EDNRA: variants seen among roughly 807,000 people sequenced by gnomAD.
EDNRA encodes endothelin receptor type A, also known as endothelin-1 receptor.
A neutral mutation model predicts 41.4 loss-of-function variants in EDNRA; 11 were observed. The observed-to-expected ratio is 0.27, with a 90% confidence interval of 0.17 to 0.44. The LOEUF is 0.44. Among genes scored for constraint, EDNRA ranks in the 20% least tolerant of loss-of-function variants. The probability of loss-of-function intolerance (pLI) is 1.00; values close to 1 mark genes in which losing one functional copy is unlikely to be tolerated. For missense variants in EDNRA, 294 were observed against 531.0 expected (o/e 0.55, Z 4.39); for synonymous variants, 172 against 183.0 (o/e 0.94, Z 0.49).
chr4:147,502,421 GT>G (rs1438203967), intron 2 of EDNRA, among the ~76,000 whole-genome samples: 1 of 152,126 alleles, frequency 6.6e-6, no homozygotes, highest in African/African-American at 2.4e-5. Context: ...ATTTGTGCCA[GT>G]TTTTCCCTGT....
At chr4:147,520,297 C>A (rs539903354) in intron 3 of EDNRA, 2 of 467,402 alleles carry the variant, frequency 4.3e-6, no homozygotes, top group Admixed American at 4.9e-5. Context: ...TATGCAAATC[C>A]TATATTTCAC....
chr4:147,499,468 A>G (rs1303785450), intron 2 of EDNRA, among the ~76,000 whole-genome samples: 5 of 152,238 alleles, frequency 3.3e-5, no homozygotes, highest in Admixed American at 1.3e-4. Context: ...CAGCCAAATC[A>G]GTTACAACAA....
chr4:147,527,169 A>C (rs905498133), intron 3 of EDNRA, among the ~76,000 whole-genome samples: 11 of 152,206 alleles, frequency 7.2e-5, no homozygotes, highest in Non-Finnish European at 1.6e-4. Context: ...CTTGGTAGAA[A>C]CTTCTTTCTT....
chr4:147,523,072 T>G (rs1043910853), intron 3 of EDNRA, among the ~76,000 whole-genome samples: 1 of 152,216 alleles, frequency 6.6e-6, no homozygotes, highest in African/African-American at 2.4e-5. Context: ...GTCTAAAGAT[T>G]TGAAGTCAGC....
intron 2 of EDNRA, chr4:147,493,809 G>A (rs981658762): frequency 1.3e-5 from 2 of 151,980 alleles, no homozygotes; most frequent in Non-Finnish European, 2.9e-5. Context: ...TTTAAATTTG[G>A]TACATTTTTG....
chr4:147,497,490 G>C (rs1729346132), intron 2 of EDNRA, among the ~76,000 whole-genome samples: 2 of 152,052 alleles, frequency 1.3e-5, no homozygotes, highest in Non-Finnish European at 2.9e-5. Context: ...CCTTCAAGTT[G>C]CTGACGTTCT....
intron 2 of EDNRA, among the ~76,000 whole-genome samples, chr4:147,515,810 C>T (rs1350810483): frequency 2.0e-5 from 3 of 152,184 alleles, no homozygotes; most frequent in Admixed American, 1.3e-4. Flanking sequence ...GGTGAATGTA[C>T]ATCCTCCATC....
intron 2 of EDNRA, among the ~76,000 whole-genome samples, chr4:147,505,213 AAAAGAGAG>A (rs1560901571): frequency 8.1e-6 from 1 of 123,128 alleles, no homozygotes; most frequent in African/African-American, 3.8e-5. Context: ...AAAAAAAAAA[AAAAGAGAG>A]AGAGAGAGAG....
Position 147,542,525 on chromosome 4 carries a change from G to T in EDNRA, c.1191G>T (p.Ser397=), listed in dbSNP as rs1255931629. Residue 397 remains serine (S), a synonymous_variant, in exon 8 of 8, where the codon TCG becomes TCT. Transcript: ENST00000651419. The stretch of plus-strand genomic sequence containing the variant: ...ACCAGTCCAAAAGTCTGATGACCTC[G>T]GTCCCCATGAACGGAACAAGCATCC... ...CCYQSKSLMT[S]VPMNGTSIQW... The T allele has an allele frequency of 1.2e-6, 2 of 1,613,916 alleles. No individual in the cohort carries two copies. The highest frequency in any genetic ancestry group is 2.7e-5 in the African/African-American group (2 of 74,884).
At chr4:147,533,074 C>T (rs1280315893) in intron 4 of EDNRA, among the ~76,000 whole-genome samples, 1 of 151,864 alleles carries the variant, frequency 6.6e-6, no homozygotes, top group Non-Finnish European at 1.5e-5. Flanking sequence ...ATGAATACAA[C>T]ACAACAATTT....
chr4:147,505,591 C>G (rs1729678981), intron 2 of EDNRA, among the ~76,000 whole-genome samples: 1 of 150,072 alleles, frequency 6.7e-6, no homozygotes, highest in African/African-American at 2.5e-5. Flanking sequence ...ATCCACCCAC[C>G]TCAGCCTCCC....
intron 1 of EDNRA, among the ~76,000 whole-genome samples, chr4:147,483,346 C>A (rs1195041400): frequency 2.0e-5 from 3 of 152,184 alleles, no homozygotes; most frequent in African/African-American, 7.2e-5. Flanking sequence ...GCTTTGAAAC[C>A]TTGACCTAAA....
In EDNRA at chr4:147,481,217, G is replaced by A. The variant is rs1801708; in HGVS notation, c.-230G>A. ...TCCCCGGGAGAAGCAGTGCCCAGGA[G>A]GTTTTCTGAAGCCGGGGAAGCTGTG... On this transcript the variant is annotated 5_prime_UTR_variant, in exon 1 of 8. Transcript: ENST00000651419. 69,529 of 152,706 alleles carry A rather than the reference G, an allele frequency of 0.46. 20,327 individuals carry two copies. Among genetic ancestry groups the A allele is most frequent in the African/African-American group, 0.84 (34,937 of 41,518 alleles). The allele number at this position is 152,706 out of a possible 1,614,324, so 9.5% of individuals were successfully genotyped here.
intron 3 of EDNRA, among the ~76,000 whole-genome samples, chr4:147,520,904 TAAA>T (rs1473922895): frequency 6.6e-6 from 1 of 152,230 alleles, no homozygotes; most frequent in African/African-American, 2.4e-5. Context: ...TTGTTACTGT[TAAA>T]ACATAAAAAT....
intron 2 of EDNRA, among the ~76,000 whole-genome samples, chr4:147,501,372 G>A (rs888079834): frequency 6.6e-6 from 1 of 152,194 alleles, no homozygotes; most frequent in African/African-American, 2.4e-5. Flanking sequence ...ACACATTTAT[G>A]CCTTTGTATA....
At chr4:147,484,973 A>G (rs1329138750) in intron 1 of EDNRA, among the ~76,000 whole-genome samples, 2 of 152,222 alleles carry the variant, frequency 1.3e-5, no homozygotes, top group Non-Finnish European at 2.9e-5. Flanking sequence ...CCCTATGTTC[A>G]TTATTTATCA....
intron 2 of EDNRA, among the ~76,000 whole-genome samples, chr4:147,513,609 T>TTACATC (rs1729998573): frequency 1.3e-5 from 2 of 152,180 alleles, no homozygotes; most frequent in Non-Finnish European, 2.9e-5. Context: ...TACATCCCAG[T>TTACATC]CCCTTCCCCA....
intron 2 of EDNRA, among the ~76,000 whole-genome samples, chr4:147,505,436 T>TTCA (rs954629309): frequency 7.0e-6 from 1 of 142,286 alleles, no homozygotes; most frequent in African/African-American, 2.7e-5. Context: ...GCCTCCCAGG[T>TTCA]TCAAGCAAGT....
At chr4:147,510,119 G>A (rs1729868977) in intron 2 of EDNRA, among the ~76,000 whole-genome samples, 1 of 152,130 alleles carries the variant, frequency 6.6e-6, no homozygotes, top group Non-Finnish European at 1.5e-5. Context: ...TAAATGGCTG[G>A]TTTTCTTGGC....
Sources: gnomAD v4.1 joint callset for allele counts (sites outside exome capture counted in the v4.1 genomes callset) on GRCh38, gnomAD v4.1.1 for gene constraint, MANE v1.5 for transcripts, NCBI Gene and HGNC (gene_info 2026-07-23, HGNC 2026-07-21) for gene names.